The following VPS8 variants were observed in gnomAD, a reference collection of about 807,000 sequenced individuals.
VPS8 encodes vacuolar protein sorting-associated protein 8 homolog.
In VPS8, 129 loss-of-function variants were observed where a neutral mutation model predicts 216.4. The ratio of observed to expected loss-of-function variants is 0.60; its 90% CI spans 0.52 to 0.69. VPS8 has a LOEUF of 0.69. VPS8 is among the 30% of genes least tolerant of loss of function. The pLI, the probability that VPS8 is intolerant of heterozygous loss-of-function variation, is 0.00. For missense variants in VPS8, 1,531 were observed against 1,683.5 expected (o/e 0.91, Z 1.59); for synonymous variants, 571 against 565.4 (o/e 1.01, Z -0.14).
At chr3:185,010,414 C>A (rs1457906723) in intron 45 of VPS8, among the ~76,000 whole-genome samples, 2 of 151,882 alleles carry the variant, frequency 1.3e-5, no homozygotes, top group Non-Finnish European at 2.9e-5. Flanking sequence ...AGAAAACAAC[C>A]CATTGAAACT....
intron 36 of VPS8, among the ~76,000 whole-genome samples, chr3:184,945,790 T>C (rs140428990): frequency 9.7e-4 from 148 of 151,912 alleles, no homozygotes; most frequent in South Asian, 3.3e-3. Context: ...ACATGGGAGG[T>C]CTGGTGTAAT....
chr3:184,894,634 T>A, intron 22 of VPS8, 69 bp from the exon 23 acceptor site: 1 of 1,197,868 alleles, frequency 8.3e-7, no homozygotes, highest in Non-Finnish European at 1.2e-6. Context: ...TGAGATATAT[T>A]TGGGAGACTA....
At chr3:184,974,143 C>T (rs1324208566) in intron 40 of VPS8, among the ~76,000 whole-genome samples, 2 of 152,134 alleles carry the variant, frequency 1.3e-5, no homozygotes, top group African/African-American at 2.4e-5. Context: ...TCCAAAATGG[C>T]TGTACTAATT....
At chr3:185,022,348 A>G (rs572950222) in intron 45 of VPS8, among the ~76,000 whole-genome samples, 1 of 152,314 alleles carries the variant, frequency 6.6e-6, no homozygotes, top group African/African-American at 2.4e-5. Context: ...ACCCCTGTAA[A>G]TTAATAAATA....
chr3:184,819,823 A>T (rs1001324573), intron 1 of VPS8, among the ~76,000 whole-genome samples: 4 of 152,226 alleles, frequency 2.6e-5, no homozygotes, highest in Non-Finnish European at 4.4e-5. Context: ...AGCCTTACTG[A>T]TAACATTAAC....
intron 44 of VPS8, among the ~76,000 whole-genome samples, chr3:184,999,419 T>C (rs1292344690): frequency 6.6e-6 from 1 of 152,218 alleles, no homozygotes; most frequent in African/African-American, 2.4e-5. Context: ...GTTTGAGAAA[T>C]GAACAGAAGT....
chr3:184,933,527 T>TTGTGTG (rs35601004), intron 34 of VPS8, among the ~76,000 whole-genome samples: 30 of 150,168 alleles, frequency 2.0e-4, no homozygotes, highest in South Asian at 8.4e-4. Context: ...CTTTCGATCT[T>TTGTGTG]TGTGTGTGTG....
At chr3:184,920,427 A>G (rs1738409238) in intron 29 of VPS8, among the ~76,000 whole-genome samples, 1 of 152,178 alleles carries the variant, frequency 6.6e-6, no homozygotes, top group Non-Finnish European at 1.5e-5. Context: ...AGAGGGCACT[A>G]CTGTGAGAAA....
At chr3:184,997,365 A>G (rs1752751174) in intron 44 of VPS8, among the ~76,000 whole-genome samples, 1 of 152,194 alleles carries the variant, frequency 6.6e-6, no homozygotes, top group Non-Finnish European at 1.5e-5. Flanking sequence ...TAAATAGGAT[A>G]GTAGGGTTTT....
At chr3:184,817,918 T>C (rs1716690644) in intron 1 of VPS8, among the ~76,000 whole-genome samples, 1 of 152,168 alleles carries the variant, frequency 6.6e-6, no homozygotes. Flanking sequence ...GCCAAGCCAC[T>C]GTTTTAAAAG....
At chr3:184,833,169 C>T (rs939949980) in intron 4 of VPS8, among the ~76,000 whole-genome samples, 1 of 152,132 alleles carries the variant, frequency 6.6e-6, no homozygotes, top group Non-Finnish European at 1.5e-5. Flanking sequence ...ACCTCCCTGT[C>T]ATCCGCATTC....
chr3:184,882,828 G>T (rs1730507764), intron 21 of VPS8, among the ~76,000 whole-genome samples: 1 of 151,998 alleles, frequency 6.6e-6, no homozygotes, highest in Non-Finnish European at 1.5e-5. Context: ...CATGTAAATT[G>T]TCAAATTTAT....
At chr3:184,902,500 A>C (rs1414733369) in intron 25 of VPS8, among the ~76,000 whole-genome samples, 1 of 150,574 alleles carries the variant, frequency 6.6e-6, no homozygotes, top group African/African-American at 2.4e-5. Flanking sequence ...TCATCTTATT[A>C]ATTTTTTTTT....
chr3:185,002,199 T>G (rs1340581954), intron 45 of VPS8, among the ~76,000 whole-genome samples: 1 of 152,220 alleles, frequency 6.6e-6, no homozygotes, highest in African/African-American at 2.4e-5. Flanking sequence ...CATTGGTAAG[T>G]GTAATGTTAA....
chr3:184,902,133 T>G lies in VPS8; in HGVS notation c.2146+1161T>G, dbSNP rs1436067447. 4.0e-5 allele frequency among the ~76,000 whole-genome samples: 6 copies of G among 149,394 alleles called. No homozygotes were observed. In the East Asian group the frequency reaches 6.4e-4, roughly 16 times the overall value. ...TTAGCCCCCCCCCCCTTTTTTTTTT[T>G]TAATTGGTGGAGATGACCTGGGGTT... On this transcript the variant is annotated intron_variant, in intron 25 of 47. Coordinates refer to ENST00000625842, the MANE Select transcript of VPS8 (RefSeq NM_001009921.3).
chr3:184,859,015 G>A (rs1725795323), intron 14 of VPS8, among the ~76,000 whole-genome samples: 1 of 152,132 alleles, frequency 6.6e-6, no homozygotes, highest in Non-Finnish European at 1.5e-5. Flanking sequence ...GGACACAACT[G>A]TTTTGGCAGC....
rs144816669 is a variant in VPS8, at chr3:184,922,257, T to G, written c.2454+2059T>G. 9.2e-5 allele frequency among the ~76,000 whole-genome samples: 14 copies of G among 152,364 alleles called. No homozygotes were observed. In the East Asian group the frequency reaches 2.7e-3, roughly 29 times the overall value. On this transcript the variant is annotated intron_variant, in intron 29 of 47. Coordinates refer to ENST00000625842, the MANE Select transcript of VPS8 (RefSeq NM_001009921.3). ...CGCTCTCCCACACATCTAGGTTGATTAGTTGCTCCTTGTCTGTGCTCAGGC... is the reference window on the plus strand; with the variant it reads ...CGCTCTCCCACACATCTAGGTTGATGAGTTGCTCCTTGTCTGTGCTCAGGC...
chr3:184,989,723 T>C (rs1314831397), intron 42 of VPS8, among the ~76,000 whole-genome samples: 1 of 152,202 alleles, frequency 6.6e-6, no homozygotes, highest in Non-Finnish European at 1.5e-5. Context: ...TTTCTTGTAA[T>C]ATCTGTGTCT....
At chr3:184,928,589 C>T (rs1740109804) in intron 32 of VPS8, 56 bp downstream of exon 32, 11 of 1,272,766 alleles carry the variant, frequency 8.6e-6, no homozygotes, top group Non-Finnish European at 1.1e-5. Context: ...AATTATATTT[C>T]TTTAACTTAA....
Sources: allele counts gnomAD v4.1 joint callset (sites outside exome capture counted in the v4.1 genomes callset), GRCh38; gene constraint gnomAD v4.1.1; transcripts MANE v1.5; gene names NCBI Gene and HGNC (gene_info 2026-07-23, HGNC 2026-07-21).